CPED1: variants seen among roughly 807,000 people sequenced by gnomAD.
CPED1 encodes cadherin-like and PC-esterase domain-containing protein 1.
In CPED1, 114 loss-of-function variants were observed where a neutral mutation model predicts 128.2. The ratio of observed to expected loss-of-function variants is 0.89; its 90% confidence interval spans 0.76 to 1.04. CPED1 has a LOEUF of 1.04. Ranked by LOEUF, CPED1 falls within the 50% of genes least tolerant of loss-of-function variation. The probability of loss-of-function intolerance (pLI) is 0.00; values close to 1 mark genes in which losing one functional copy is unlikely to be tolerated. For synonymous variants in CPED1, 462 were observed against 426.7 expected (o/e 1.08, Z -1.02); for missense variants, 1,211 against 1,207.1 (o/e 1.00, Z -0.05).
intron 16 of CPED1, among the ~76,000 whole-genome samples, chr7:121,187,809 GCCCA>G (rs1232454673): frequency 1.3e-5 from 2 of 152,024 alleles, no homozygotes; most frequent in African/African-American, 4.8e-5. Flanking sequence ...AGGCCCTATT[GCCCA>G]CTCACCCCAT....
chr7:121,293,769 T>TA (rs1792762655), intron 22 of CPED1, among the ~76,000 whole-genome samples: 1 of 151,990 alleles, frequency 6.6e-6, no homozygotes, highest in South Asian at 2.1e-4. Flanking sequence ...GGGAGTTCCC[T>TA]AACCCCTTGT....
At chr7:121,265,889 TA>T (rs1350071580) in intron 18 of CPED1, among the ~76,000 whole-genome samples, 1 of 152,082 alleles carries the variant, frequency 6.6e-6, no homozygotes, top group African/African-American at 2.4e-5. Flanking sequence ...CCTAGAGCAC[TA>T]AAATGCTTCA....
intron 16 of CPED1, among the ~76,000 whole-genome samples, chr7:121,164,164 G>A (rs975603810): frequency 6.6e-6 from 1 of 152,188 alleles, no homozygotes; most frequent in Non-Finnish European, 1.5e-5. Context: ...GATGCCCCAG[G>A]GCATGGCCCA....
intron 11 of CPED1, among the ~76,000 whole-genome samples, chr7:121,129,338 T>G (rs983289765): frequency 3.2e-5 from 2 of 63,478 alleles, no homozygotes; most frequent in South Asian, 8.5e-4. Context: ...TATATATACG[T>G]ATATATATAT....
intron 5 of CPED1, among the ~76,000 whole-genome samples, chr7:121,080,183 C>A (rs932734592): frequency 4.0e-5 from 6 of 151,846 alleles, no homozygotes; most frequent in African/African-American, 1.5e-4. Flanking sequence ...ATTTGGTTAT[C>A]CTGTTCACCT....
chr7:121,295,251 C>T (rs1258495096), intron 22 of CPED1, among the ~76,000 whole-genome samples, 189 bp from the exon 23 acceptor site: 2 of 151,886 alleles, frequency 1.3e-5, no homozygotes, highest in South Asian at 2.1e-4. Flanking sequence ...AGAAAAGTGA[C>T]AAAGTTGAAT....
At chr7:121,104,832 A>G (rs1563027361) in intron 7 of CPED1, among the ~76,000 whole-genome samples, 1 of 152,142 alleles carries the variant, frequency 6.6e-6, no homozygotes, top group Non-Finnish European at 1.5e-5. Flanking sequence ...CTTTATCCCT[A>G]ACTGCTATAA....
chr7:121,100,171 C>A (rs1917112), intron 7 of CPED1, 77 bp downstream of exon 7: 2 of 1,282,410 alleles, frequency 1.6e-6, no homozygotes, highest in African/African-American at 1.5e-5. Flanking sequence ...GCCATTTTCC[C>A]ACCTTTATGG....
At chr7:121,139,333 T>G (rs1795850039) in intron 14 of CPED1, among the ~76,000 whole-genome samples, 1 of 152,064 alleles carries the variant, frequency 6.6e-6, no homozygotes, top group South Asian at 2.1e-4. Context: ...AATTTATACC[T>G]GAATTTGTTT....
Position 121,124,443 on chromosome 7 carries a change from C to G in CPED1, c.1031C>G (p.Thr344Arg). Residue 344 changes from threonine to arginine, a missense_variant, in exon 8 of 23, where the codon ACA becomes AGA. Thr to Arg is a moderately conservative substitution (Grantham distance 71). Transcript: ENST00000310396. Reference sequence around the variant, plus strand: ...CTAGCGGCTGAAGTATTCAGTGAAACATCTACTCTGGGACCAAAGACCTTC... The same window carrying G: ...CTAGCGGCTGAAGTATTCAGTGAAAGATCTACTCTGGGACCAAAGACCTTC... ...LLLAAEVFSE[T>R]STLGPKTFHR... is the part of the protein sequence containing the mutation. The G allele has an allele frequency of 6.3e-7, 1 of 1,588,834 alleles. No homozygotes were observed. Among genetic ancestry groups the G allele is most frequent in the Non-Finnish European group, 8.6e-7 (1 of 1,165,892 alleles).
At chr7:121,001,738 C>T (rs1360350488) in intron 2 of CPED1, among the ~76,000 whole-genome samples, 1 of 152,032 alleles carries the variant, frequency 6.6e-6, no homozygotes, top group Non-Finnish European at 1.5e-5. Flanking sequence ...TGGGGAATCC[C>T]AGTTTCCATA....
At chr7:121,080,975 C>T (rs1464717660) in intron 5 of CPED1, among the ~76,000 whole-genome samples, 1 of 152,142 alleles carries the variant, frequency 6.6e-6, no homozygotes, top group African/African-American at 2.4e-5. Flanking sequence ...TGCAACATAT[C>T]ATCAATATTA....
intron 16 of CPED1, among the ~76,000 whole-genome samples, chr7:121,198,112 GTGT>G: frequency 6.6e-6 from 1 of 152,226 alleles, no homozygotes; most frequent in East Asian, 1.9e-4. Flanking sequence ...TCAGAAAATA[GTGT>G]TGGGGGTAGC....
At chr7:121,232,233 T>C (rs948716115) in intron 16 of CPED1, among the ~76,000 whole-genome samples, 2 of 152,148 alleles carry the variant, frequency 1.3e-5, no homozygotes, top group African/African-American at 4.8e-5. Context: ...TCACCTGTTT[T>C]CCCTGTGCCG....
chr7:121,100,924 T>C (rs186492247), intron 7 of CPED1, among the ~76,000 whole-genome samples: 3 of 152,258 alleles, frequency 2.0e-5, no homozygotes, highest in Admixed American at 6.5e-5. Context: ...ATTTCTGCCA[T>C]CTTATTTTTT....
chr7:121,280,621 G>A (rs889114385), intron 22 of CPED1, among the ~76,000 whole-genome samples: 6 of 152,182 alleles, frequency 3.9e-5, no homozygotes, highest in African/African-American at 1.2e-4. Context: ...AGATTCAGAA[G>A]TTGGATTCCC....
At chr7:121,026,046 C>T (rs990978837) in intron 3 of CPED1, among the ~76,000 whole-genome samples, 1 of 152,152 alleles carries the variant, frequency 6.6e-6, no homozygotes, top group African/African-American at 2.4e-5. Context: ...TCACATCCCC[C>T]GTCCCCGTTA....
intron 7 of CPED1, among the ~76,000 whole-genome samples, chr7:121,112,663 G>A (rs1001274634): frequency 1.3e-5 from 2 of 152,124 alleles, no homozygotes; most frequent in African/African-American, 2.4e-5. Context: ...AAAGCAAAAG[G>A]AGTTTACATC....
At chr7:121,183,555 A>G (rs1332278242) in intron 16 of CPED1, among the ~76,000 whole-genome samples, 1 of 152,190 alleles carries the variant, frequency 6.6e-6, no homozygotes, top group East Asian at 1.9e-4. Context: ...TCTCTCACAG[A>G]TCTAATAGAC....
Sources: allele counts gnomAD v4.1 joint callset (sites outside exome capture counted in the v4.1 genomes callset), GRCh38; gene constraint gnomAD v4.1.1; transcripts MANE v1.5; gene names NCBI Gene and HGNC (gene_info 2026-07-23, HGNC 2026-07-21).